The following KIAA0753 variants were observed in gnomAD, a reference collection of about 807,000 sequenced individuals.
The protein encoded by KIAA0753 is KIAA0753.
A neutral mutation model predicts 116.9 loss-of-function variants in KIAA0753; 114 were observed. The observed-to-expected ratio is 0.98, with a 90% CI of 0.84 to 1.14. KIAA0753 has a LOEUF of 1.14. Among genes scored for constraint, KIAA0753 ranks in the 50% most tolerant of loss-of-function variants. KIAA0753 has a pLI of 0.00. For synonymous variants in KIAA0753, 405 were observed against 413.1 expected (o/e 0.98, Z 0.24); for missense variants, 1,156 against 1,172.4 (o/e 0.99, Z 0.20).
chr17:6,589,739 A>C (rs760783053), intron 18 of KIAA0753, 40 bp downstream of exon 18: 16 of 1,518,670 alleles, frequency 1.1e-5, no homozygotes, highest in African/African-American at 1.4e-5. Context: ...AAAATTTTGC[A>C]ATTTGGTTCC....
intron 3 of KIAA0753, among the ~76,000 whole-genome samples, chr17:6,627,894 G>A (rs953301203): frequency 6.6e-6 from 1 of 152,196 alleles, no homozygotes; most frequent in Non-Finnish European, 1.5e-5. Context: ...CAGCCACAGT[G>A]AAGAAGTTCT....
intron 2 of KIAA0753, among the ~76,000 whole-genome samples, chr17:6,630,380 G>A (rs1971953368): frequency 6.6e-6 from 1 of 152,126 alleles, no homozygotes; most frequent in South Asian, 2.1e-4. Context: ...AGAGGTGCTG[G>A]TGGTCATGCA....
rs765086683 is a variant in KIAA0753 at position 6,610,028 on chromosome 17, G to C, written c.1678C>G (p.Pro560Ala). 8 of 1,614,116 alleles carry C rather than the reference G, an allele frequency of 5.0e-6. No homozygotes were observed. The highest frequency in any genetic ancestry group is 1.3e-5 in the African/African-American group (1 of 75,020). ...GACGCTGGTGGGGATGTGGGGTTTG[G>C]GGGTATCCATGGTGCCTTGCGGTCT... ...VKDRKAPWIP[P>A]NPTSPPASPK... is the part of the protein sequence containing the mutation. Residue 560 changes from proline to alanine, a missense_variant, in exon 9 of 19, where the codon CCA (proline) becomes GCA (alanine). Coordinates refer to ENST00000361413, the MANE Select transcript of KIAA0753 (RefSeq NM_014804.3).
chr17:6,608,043 T>C (rs1259404673), intron 10 of KIAA0753, among the ~76,000 whole-genome samples: 4 of 152,236 alleles, frequency 2.6e-5, no homozygotes, highest in Non-Finnish European at 5.9e-5. Context: ...TATGGCCTAT[T>C]TGCCCTTTTT....
chr17:6,620,940 C>T lies in KIAA0753; in HGVS notation c.1163G>A (p.Ser388Asn), dbSNP rs754959783. 2.5e-6 allele frequency: 4 copies of T among 1,614,132 alleles called. No homozygotes were observed. The highest frequency in any genetic ancestry group is 3.4e-6 in the Non-Finnish European group (4 of 1,180,020). The change falls in exon 7 of 19, where the codon AGT (serine) becomes AAT (asparagine). Residue 388 changes from serine (S) to asparagine (N), a missense_variant. Ser to Asn is a conservative substitution (Grantham distance 46, BLOSUM62 1). Coordinates refer to ENST00000361413, the MANE Select transcript of KIAA0753 (RefSeq NM_014804.3). Reference sequence around the variant, plus strand: ...GATAGGAAATCTGCTCCGAATTTCACTGAAACATTTTTTCACCTTTTTTGG... The same window carrying T: ...GATAGGAAATCTGCTCCGAATTTCATTGAAACATTTTTTCACCTTTTTTGG... The part of the protein sequence containing the change: ...LSPKKVKKCF[S>N]EIRSRFPIGS...
chr17:6,640,224 C>CCG (rs1331662259), intron 1 of KIAA0753: 1 of 152,610 alleles, frequency 6.6e-6, no homozygotes, highest in Non-Finnish European at 1.5e-5. Flanking sequence ...CCCGCCCCGA[C>CCG]CTGCTGGGCC....
At position 6,592,958 on chromosome 17, in the gene KIAA0753, T is replaced by C. The variant is rs1969181850; in HGVS notation, c.2440+2014A>G. Among the ~76,000 whole-genome samples the C allele has an allele frequency of 3.3e-5, 5 of 151,976 alleles. No individual in the cohort carries two copies. The South Asian group carries it at 8.3e-4, about 25-fold the overall frequency. On this transcript the variant is annotated intron_variant, in intron 16 of 18. Transcript: ENST00000361413. ...GCTGCCCGGGTGGGAGAAAGAAGAA[T>C]GGGGAGTGAGGAAAATGTTCCAGAA...
At chr17:6,607,443 G>A (rs546601727) in intron 10 of KIAA0753, among the ~76,000 whole-genome samples, 173 bp from the exon 11 acceptor site, 12 of 152,096 alleles carry the variant, frequency 7.9e-5, no homozygotes, top group African/African-American at 1.7e-4. Flanking sequence ...TCTCTAGAAC[G>A]TGTTCCATGT....
chr17:6,596,178 G>A lies in KIAA0753; in HGVS notation c.2338C>T (p.Arg780Cys), dbSNP rs73342622. The change falls in exon 15 of 19, where the codon CGC becomes TGC. Residue 780 changes from arginine to cysteine, a missense_variant. Arg to Cys is a radical substitution (Grantham distance 180, BLOSUM62 -3). Transcript: ENST00000361413. ...KDSPDLEIMM[R>C]RMEEMEKYQE... Reference sequence around the variant, plus strand: ...CTTACTTCCATCTCTTCCATTCGGCGCATCATGATCTCCAGATCTGGGCTA... The same window carrying A: ...CTTACTTCCATCTCTTCCATTCGGCACATCATGATCTCCAGATCTGGGCTA... 2.0e-3 allele frequency: 3,227 copies of A among 1,613,770 alleles called. 55 individuals are homozygous for A. The African/African-American group carries it at 0.036, about 18-fold the overall frequency.
intron 3 of KIAA0753, among the ~76,000 whole-genome samples, chr17:6,626,507 A>G (rs1323766327): frequency 2.6e-5 from 4 of 152,052 alleles, no homozygotes; most frequent in Admixed American, 6.6e-5. Context: ...ACATACTTCT[A>G]TGAACATAAA....
At chr17:6,583,369 T>C (rs761431517) in intron 18 of KIAA0753, among the ~76,000 whole-genome samples, 1 of 151,826 alleles carries the variant, frequency 6.6e-6, no homozygotes, top group Non-Finnish European at 1.5e-5. Context: ...TTTTGGAGCT[T>C]CTTGAATCTA....
intron 12 of KIAA0753, among the ~76,000 whole-genome samples, chr17:6,600,713 C>T (rs1383956923): frequency 6.6e-6 from 1 of 152,070 alleles, no homozygotes; most frequent in East Asian, 1.9e-4. Context: ...TTACTTTATG[C>T]ACAGGGATTT....
intron 2 of KIAA0753, among the ~76,000 whole-genome samples, chr17:6,631,176 C>G (rs1972003234): frequency 6.6e-6 from 1 of 152,060 alleles, no homozygotes; most frequent in Non-Finnish European, 1.5e-5. Flanking sequence ...TAAATACCAA[C>G]AGAAACCAAT....
intron 1 of KIAA0753, chr17:6,636,313 G>A (rs764435952): frequency 5.9e-5 from 9 of 152,162 alleles, no homozygotes; most frequent in Non-Finnish European, 8.8e-5. Flanking sequence ...CTGGCTTGAC[G>A]TTGGCACAGG....
In KIAA0753 at chr17:6,595,491, C is replaced by CAA. The variant is rs569470065; in HGVS notation, c.2359-440_2359-439dup. ...CTGCGGATCTTTAAACTTTCAAATC[C>CAA]AAAAAAAAAAATTGTTTTCCTTCTA... On this transcript the variant is annotated intron_variant, in intron 15 of 18. Coordinates refer to ENST00000361413, the MANE Select transcript of KIAA0753 (RefSeq NM_014804.3). Among the ~76,000 whole-genome samples, 580 of 147,720 alleles carry CAA rather than the reference C, an allele frequency of 3.9e-3. 6 individuals are homozygous for CAA. The highest frequency in any genetic ancestry group is 0.013 in the African/African-American group (542 of 40,732).
chr17:6,623,231 A>T, intron 5 of KIAA0753, 134 bp from the exon 6 acceptor site: 1 of 920,228 alleles, frequency 1.1e-6, no homozygotes, highest in Non-Finnish European at 1.6e-6. Context: ...TTTTCATAGT[A>T]AAGGGAGTTG....
In KIAA0753 at chr17:6,633,817, T is replaced by G. The variant is rs555152929; in HGVS notation, c.93+1194A>C. 1.7e-4 allele frequency among the ~76,000 whole-genome samples: 26 copies of G among 152,276 alleles called. No homozygotes were observed. In the South Asian group the frequency reaches 5.4e-3, roughly 32 times the overall value. ...AATATAAAATCCCATTTATATAAGGTTCTAGATCAGGGAAAACTAATCTGT... is the reference window on the plus strand; with the variant it reads ...AATATAAAATCCCATTTATATAAGGGTCTAGATCAGGGAAAACTAATCTGT... On this transcript the variant is annotated intron_variant, in intron 2 of 18. Coordinates refer to ENST00000361413, the MANE Select transcript of KIAA0753 (RefSeq NM_014804.3).
In KIAA0753 at chr17:6,579,666, GAA is replaced by G. The variant is rs1371404329; in HGVS notation, c.*79_*80del. 5.1e-6 allele frequency: 5 copies of G among 986,242 alleles called. No individual in the cohort carries two copies. Among genetic ancestry groups the G allele is most frequent in the Non-Finnish European group, 6.4e-6 (4 of 623,174 alleles). 61.1% of individuals were successfully genotyped at this position (986,242 alleles called of 1,614,324 possible). A position where few individuals can be genotyped will look rare whatever the true frequency, so the allele number is the denominator to read the frequency against. On this transcript the variant is annotated 3_prime_UTR_variant, in exon 19 of 19. Transcript: ENST00000361413. Reference sequence around the variant, plus strand: ...TGGGCCTGGATGGACAGCTGAGGATGAAAATTTCCTGTGGGCCAAAACAAAGG... The same window carrying G: ...TGGGCCTGGATGGACAGCTGAGGATGAATTTCCTGTGGGCCAAAACAAAGG...
intron 7 of KIAA0753, among the ~76,000 whole-genome samples, chr17:6,615,548 T>G (rs893787128): frequency 7.5e-6 from 1 of 133,788 alleles, no homozygotes; most frequent in African/African-American, 2.9e-5. Flanking sequence ...CCGCGAGGCG[T>G]AGCTGGCAGT....
Sources: gnomAD v4.1 joint callset for allele counts (sites outside exome capture counted in the v4.1 genomes callset) on GRCh38, gnomAD v4.1.1 for gene constraint, MANE v1.5 for transcripts, NCBI Gene and HGNC (gene_info 2026-07-23, HGNC 2026-07-21) for gene names.